Variants in REDIC1 observed in about 807,000 individuals in gnomAD.
REDIC1 encodes the protein HEI10 Interacting Protein 1.
At chr12:39,688,272 G>C in the REDIC1 span, among the ~76,000 whole-genome samples, 1 of 152,110 alleles carries the variant, frequency 6.6e-6, no homozygotes, top group Non-Finnish European at 1.5e-5. Context: ...GTTTGTTTTG[G>C]GTTATTAGTA....
At chr12:39,715,281 G>A in the REDIC1 span, among the ~76,000 whole-genome samples, 1 of 151,798 alleles carries the variant, frequency 6.6e-6, no homozygotes, top group Non-Finnish European at 1.5e-5. Context: ...CCTGTATGTG[G>A]CTAGCTAATT....
the REDIC1 span, chr12:39,650,189 A>G: frequency 2.8e-6 from 4 of 1,452,226 alleles, no homozygotes; most frequent in South Asian, 6.0e-5. This position sits in a 1 kb window ranked among gnomAD's most constrained non-coding sequence, Gnocchi z 4.3. Context: ...TTTAAATTGT[A>G]TATATGTACA....
At chr12:39,667,135 T>C in the REDIC1 span, among the ~76,000 whole-genome samples, 3 of 152,216 alleles carry the variant, frequency 2.0e-5, no homozygotes, top group African/African-American at 7.2e-5. Context: ...CTCTTGCTTC[T>C]CTAGTTCTTT....
At chr12:39,864,956 C>G in the REDIC1 span, 1 of 1,359,414 alleles carries the variant, frequency 7.4e-7, no homozygotes, top group Non-Finnish European at 9.9e-7. Context: ...TTGGTAAAAA[C>G]AAACCAAAAA....
At chr12:39,805,939 G>C in the REDIC1 span, among the ~76,000 whole-genome samples, 1 of 152,172 alleles carries the variant, frequency 6.6e-6, no homozygotes, top group African/African-American at 2.4e-5. Context: ...AACAGCAAGA[G>C]ACAATTAATG....
chr12:39,784,381 A>T, the REDIC1 span, among the ~76,000 whole-genome samples: 2 of 152,232 alleles, frequency 1.3e-5, no homozygotes, highest in South Asian at 2.1e-4. Context: ...ACAGAGATAT[A>T]GAACAATGGA....
At chr12:39,727,915 A>G in the REDIC1 span, among the ~76,000 whole-genome samples, 1 of 152,098 alleles carries the variant, frequency 6.6e-6, no homozygotes, top group East Asian at 1.9e-4. Context: ...CTTTGTAGCA[A>G]TTGTGAATGA....
At chr12:39,706,688 C>T in the REDIC1 span, among the ~76,000 whole-genome samples, 3 of 151,962 alleles carry the variant, frequency 2.0e-5, no homozygotes, top group African/African-American at 7.2e-5. Context: ...AATAGAGAAC[C>T]CAGAAACAAT....
At chr12:39,704,296 A>G in the REDIC1 span, among the ~76,000 whole-genome samples, 4 of 152,230 alleles carry the variant, frequency 2.6e-5, no homozygotes, top group African/African-American at 9.6e-5. Context: ...GAAGACATTT[A>G]TGCAGCCAAA....
the REDIC1 span, among the ~76,000 whole-genome samples, chr12:39,686,475 G>C: frequency 6.6e-6 from 1 of 152,188 alleles, no homozygotes; most frequent in Non-Finnish European, 1.5e-5. Flanking sequence ...GCTGGAGCTG[G>C]AGTGACTGGG....
chr12:39,671,701 C>T, the REDIC1 span, among the ~76,000 whole-genome samples: 2 of 151,976 alleles, frequency 1.3e-5, no homozygotes, highest in African/African-American at 2.4e-5. Flanking sequence ...AGTCCCTAGG[C>T]CCCTGGGTGG....
the REDIC1 span, among the ~76,000 whole-genome samples, chr12:39,825,175 C>T: frequency 2.0e-5 from 3 of 151,976 alleles, no homozygotes; most frequent in Non-Finnish European, 4.4e-5. Context: ...ACTGAATCAG[C>T]GCATTAAGAA....
chr12:39,695,622 C>T, the REDIC1 span, among the ~76,000 whole-genome samples: 1 of 152,066 alleles, frequency 6.6e-6, no homozygotes, highest in Admixed American at 6.5e-5. Context: ...TATTGTAGTC[C>T]CTGACTCCCA....
At chr12:39,744,695 G>A in the REDIC1 span, among the ~76,000 whole-genome samples, 5 of 152,088 alleles carry the variant, frequency 3.3e-5, no homozygotes, top group East Asian at 9.7e-4. Context: ...TAAATAAATA[G>A]TGTAAATAAA....
chr12:39,899,545 C>T, the REDIC1 span, among the ~76,000 whole-genome samples: 3 of 152,058 alleles, frequency 2.0e-5, no homozygotes, highest in Non-Finnish European at 2.9e-5. Context: ...TTTGCTCTTG[C>T]TTTTCTAGTT....
At chr12:39,770,853 C>T in the REDIC1 span, among the ~76,000 whole-genome samples, 1 of 152,240 alleles carries the variant, frequency 6.6e-6, no homozygotes, top group African/African-American at 2.4e-5. Flanking sequence ...AGAAAAGTGG[C>T]CAAGACTAGG....
the REDIC1 span, among the ~76,000 whole-genome samples, chr12:39,897,066 C>T: frequency 6.6e-6 from 1 of 152,156 alleles, no homozygotes; most frequent in African/African-American, 2.4e-5. Context: ...TTCCTGAGAA[C>T]AAACTAGTTG....
chr12:39,684,927 G>C, the REDIC1 span: 4 of 1,607,414 alleles, frequency 2.5e-6, no homozygotes, highest in Admixed American at 1.7e-5. Context: ...GACTTGATGA[G>C]GTAAAGCACA....
the REDIC1 span, among the ~76,000 whole-genome samples, chr12:39,896,405 CATATATGTATGTATATGTGTATAT>C: frequency 2.8e-4 from 31 of 110,412 alleles, no homozygotes; most frequent in Admixed American, 8.6e-4. Context: ...TATATGTATA[CATATATGTATGTATATGTGTATAT>C]ATGTATACAT....
Sources: allele counts gnomAD v4.1 joint callset (sites outside exome capture counted in the v4.1 genomes callset), GRCh38; gene constraint gnomAD v4.1.1; non-coding constraint Gnocchi (gnomAD v3.1); transcripts MANE v1.5; gene names NCBI Gene and HGNC (gene_info 2026-07-23, HGNC 2026-07-21).